The following PLA2G4A variants were observed in gnomAD, a reference collection of about 807,000 sequenced individuals.
PLA2G4A encodes phospholipase A2 group IVA.
PLA2G4A carries 40 observed loss-of-function variants against 81.9 expected under a neutral mutation model. The observed-to-expected ratio is 0.49, with a 90% CI of 0.38 to 0.64. The LOEUF (loss-of-function observed/expected upper bound fraction) is 0.64, where lower values mean the gene tolerates loss of function less well. PLA2G4A is among the 30% of genes least tolerant of loss of function. PLA2G4A has a pLI of 0.00. For missense variants in PLA2G4A, 715 were observed against 905.1 expected (o/e 0.79, Z 2.69); for synonymous variants, 302 against 296.9 (o/e 1.02, Z -0.18).
chr1:186,939,836 C>G, intron 9 of PLA2G4A, 144 bp from the exon 10 acceptor site: 2 of 608,716 alleles, frequency 3.3e-6, no homozygotes, highest in Non-Finnish European at 5.8e-6. Context: ...GTTGTTCATT[C>G]AGGACCTAGT....
intron 17 of PLA2G4A, among the ~76,000 whole-genome samples, 199 bp from the exon 18 acceptor site, chr1:186,988,178 A>G (rs1468949000): frequency 6.6e-6 from 1 of 152,196 alleles, no homozygotes; most frequent in African/African-American, 2.4e-5. Context: ...GGGAAGGAAC[A>G]GTAGCTGAAT....
At chr1:186,830,996 TTC>T (rs1491316122) in intron 1 of PLA2G4A, among the ~76,000 whole-genome samples, 4 of 141,622 alleles carry the variant, frequency 2.8e-5, no homozygotes, top group African/African-American at 1.0e-4. Context: ...CTTTCTTTCT[TTC>T]TTTCTTTCTT....
intron 7 of PLA2G4A, among the ~76,000 whole-genome samples, chr1:186,917,844 C>T (rs912860541): frequency 3.9e-5 from 6 of 152,184 alleles, no homozygotes; most frequent in Admixed American, 1.3e-4. Context: ...GTATGTGGGG[C>T]GAAACAGTGG....
intron 1 of PLA2G4A, among the ~76,000 whole-genome samples, chr1:186,836,178 GA>G (rs1651769357): frequency 6.6e-6 from 1 of 151,286 alleles, no homozygotes; most frequent in Non-Finnish European, 1.5e-5. Flanking sequence ...CTATTTATAT[GA>G]ATTAATACCC....
intron 3 of PLA2G4A, among the ~76,000 whole-genome samples, chr1:186,889,932 T>G (rs1654075877): frequency 6.6e-6 from 1 of 152,188 alleles, no homozygotes; most frequent in Non-Finnish European, 1.5e-5. Context: ...ATTGTTGTAG[T>G]CAAATGACCC....
chr1:186,849,398 A>C (rs950872277), intron 1 of PLA2G4A, among the ~76,000 whole-genome samples: 1 of 152,076 alleles, frequency 6.6e-6, no homozygotes, highest in African/African-American at 2.4e-5. Flanking sequence ...AGGCAGACCA[A>C]ATATACTTTG....
At chr1:186,841,382 A>G (rs1651973305) in intron 1 of PLA2G4A, among the ~76,000 whole-genome samples, 1 of 152,138 alleles carries the variant, frequency 6.6e-6, no homozygotes, top group African/African-American at 2.4e-5. Context: ...AATTATATAT[A>G]TGTTATTTTA....
At chr1:186,865,073 A>G (rs1421837376) in intron 2 of PLA2G4A, among the ~76,000 whole-genome samples, 1 of 148,740 alleles carries the variant, frequency 6.7e-6, no homozygotes, top group Admixed American at 6.8e-5. Context: ...TCTAAATAAA[A>G]TAAAATAAAA....
intron 3 of PLA2G4A, among the ~76,000 whole-genome samples, chr1:186,890,304 T>C (rs1256124626): frequency 6.6e-6 from 1 of 152,152 alleles, no homozygotes; most frequent in African/African-American, 2.4e-5. Flanking sequence ...TTTATAGTCT[T>C]GTAGGAAAAG....
intron 7 of PLA2G4A, among the ~76,000 whole-genome samples, chr1:186,921,578 C>T (rs1294439104): frequency 6.6e-6 from 1 of 152,094 alleles, no homozygotes. Context: ...GGAGAAGTTT[C>T]TCCTGTGGCT....
chr1:186,893,741 C>T (rs373025843), intron 4 of PLA2G4A, among the ~76,000 whole-genome samples: 7 of 151,768 alleles, frequency 4.6e-5, no homozygotes, highest in Non-Finnish European at 7.4e-5. Flanking sequence ...CTGGCCAACA[C>T]GGTGAGACCC....
At chr1:186,942,139 C>T (rs1205906414) in intron 10 of PLA2G4A, among the ~76,000 whole-genome samples, 1 of 152,114 alleles carries the variant, frequency 6.6e-6, no homozygotes, top group Admixed American at 6.6e-5. Context: ...CTCAGGTGTG[C>T]TCAATGGCAA....
rs1156960395 is a variant in PLA2G4A at position 186,866,862 on chromosome 1, C to T, written c.34-3573C>T. ...AGTTAGATTTTCAAGAGCATTTTCT[C>T]ATTGTATTTCAGGCCCAGTTATCAT... On this transcript the variant is annotated intron_variant, in intron 2 of 17. Coordinates refer to ENST00000367466, the MANE Select transcript of PLA2G4A (RefSeq NM_024420.3). Among the ~76,000 whole-genome samples the T allele has an allele frequency of 3.3e-5, 5 of 151,998 alleles. No homozygotes were observed. The East Asian group carries it at 7.7e-4, about 23-fold the overall frequency.
At chr1:186,833,644 T>G (rs1289439009) in intron 1 of PLA2G4A, among the ~76,000 whole-genome samples, 1 of 152,224 alleles carries the variant, frequency 6.6e-6, no homozygotes, top group African/African-American at 2.4e-5. Flanking sequence ...TACATGTATT[T>G]GCTACTTTTG....
intron 8 of PLA2G4A, among the ~76,000 whole-genome samples, chr1:186,938,527 A>G (rs2102216750): frequency 6.6e-6 from 1 of 152,288 alleles, no homozygotes; most frequent in African/African-American, 2.4e-5. Flanking sequence ...TAAGGAGAAA[A>G]AAGGATTTTT....
chr1:186,886,961 C>T (rs1432985179), intron 3 of PLA2G4A, among the ~76,000 whole-genome samples: 1 of 152,114 alleles, frequency 6.6e-6, no homozygotes, highest in Non-Finnish European at 1.5e-5. Flanking sequence ...ATCACCTGGT[C>T]AATTGTCAAA....
At chr1:186,904,667 T>C (rs1157806060) in intron 5 of PLA2G4A, among the ~76,000 whole-genome samples, 2 of 152,192 alleles carry the variant, frequency 1.3e-5, no homozygotes, top group Non-Finnish European at 2.9e-5. Context: ...GTGCCTTCTC[T>C]TCCGTTATCC....
intron 2 of PLA2G4A, among the ~76,000 whole-genome samples, chr1:186,855,077 T>C (rs1274380653): frequency 6.6e-6 from 1 of 152,016 alleles, no homozygotes; most frequent in Non-Finnish European, 1.5e-5. Context: ...CATCCATTTC[T>C]AGATATCATC....
rs367960270 is a variant in PLA2G4A at position 186,873,638 on chromosome 1, A to G, written c.115+3122A>G. 3.3e-3 allele frequency among the ~76,000 whole-genome samples: 496 copies of G among 152,210 alleles called. 4 individuals carry two copies. The highest frequency in any genetic ancestry group is 0.012 in the African/African-American group (479 of 41,562). On this transcript the variant is annotated intron_variant, in intron 3 of 17. Coordinates refer to ENST00000367466, the MANE Select transcript of PLA2G4A (RefSeq NM_024420.3). ...TTTTAAAGAGGATAGTGCTAAGGTT[A>G]TATCTATTTTTTATTTTGTCCTTTG...
Sources: allele counts gnomAD v4.1 joint callset (sites outside exome capture counted in the v4.1 genomes callset), GRCh38; gene constraint gnomAD v4.1.1; transcripts MANE v1.5; gene names NCBI Gene and HGNC (gene_info 2026-07-23, HGNC 2026-07-21).